MAGI2: variants seen among roughly 807,000 people sequenced by gnomAD.
MAGI2 encodes membrane associated guanylate kinase, WW and PDZ domain containing 2.
A neutral mutation model predicts 133.3 loss-of-function variants in MAGI2; 35 were observed. The observed-to-expected ratio is 0.26, with a 90% confidence interval of 0.20 to 0.35. The LOEUF is 0.35. Among genes scored for constraint, MAGI2 ranks in the 10% least tolerant of loss-of-function variants. The pLI is 1.00. For missense variants in MAGI2, 1,636 were observed against 1,863.4 expected (o/e 0.88, Z 2.25); for synonymous variants, 729 against 710.6 (o/e 1.03, Z -0.41).
intron 3 of MAGI2, among the ~76,000 whole-genome samples, chr7:78,598,008 A>G (rs1239698215): frequency 6.6e-6 from 1 of 152,174 alleles, no homozygotes; most frequent in African/African-American, 2.4e-5. Flanking sequence ...TATATTCTAA[A>G]AACTGCCTCT....
At chr7:78,664,419 T>C (rs148109342) in intron 2 of MAGI2, among the ~76,000 whole-genome samples, 165 of 152,198 alleles carry the variant, frequency 1.1e-3, no homozygotes, top group Non-Finnish European at 1.9e-3. Context: ...ATGGAAACAT[T>C]CTCCAAATTA....
intron 1 of MAGI2, among the ~76,000 whole-genome samples, chr7:79,098,711 A>G (rs905619843): frequency 1.3e-5 from 2 of 152,168 alleles, no homozygotes; most frequent in Non-Finnish European, 2.9e-5. Context: ...AAAAACATCT[A>G]AGCAATATAT....
chr7:78,989,625 TCC>T (rs1805567446), intron 2 of MAGI2, among the ~76,000 whole-genome samples: 1 of 152,064 alleles, frequency 6.6e-6, no homozygotes. Context: ...CCAGTGCTCC[TCC>T]CCCTGTATCC....
chr7:78,369,135 A>G (rs775817796), intron 7 of MAGI2, 21 bp downstream of exon 7: 2 of 1,542,740 alleles, frequency 1.3e-6, no homozygotes, highest in East Asian at 4.5e-5. Flanking sequence ...TAACAAGTTA[A>G]TATCACACTT....
intron 2 of MAGI2, among the ~76,000 whole-genome samples, chr7:78,880,314 G>C (rs760528488): frequency 3.3e-5 from 5 of 152,128 alleles, no homozygotes; most frequent in Non-Finnish European, 7.4e-5. Flanking sequence ...AATCTTAAAA[G>C]GCAGCTAGAG....
chr7:78,093,408 C>T (rs1480503410), intron 20 of MAGI2, among the ~76,000 whole-genome samples: 1 of 151,374 alleles, frequency 6.6e-6, no homozygotes, highest in Non-Finnish European at 1.5e-5. Flanking sequence ...GATCCGAGAT[C>T]GTGCCACTGC....
At chr7:78,614,535 T>A (rs1348378187) in intron 3 of MAGI2, 1 of 152,174 alleles carries the variant, frequency 6.6e-6, no homozygotes, top group Non-Finnish European at 1.5e-5. Context: ...AATATGCAGT[T>A]TTTAACTTTA....
chr7:79,420,043 A>T (rs1335488146), intron 1 of MAGI2, among the ~76,000 whole-genome samples: 1 of 152,060 alleles, frequency 6.6e-6, no homozygotes, highest in Admixed American at 6.6e-5. Context: ...AGAACTAAAT[A>T]TAAGACAGCT....
At chr7:78,937,775 G>C (rs1162305377) in intron 2 of MAGI2, among the ~76,000 whole-genome samples, 1 of 152,076 alleles carries the variant, frequency 6.6e-6, no homozygotes, top group East Asian at 1.9e-4. Flanking sequence ...GGTAATCACA[G>C]GCAAGATACT....
rs1832595566 is a variant in MAGI2 at position 79,243,641 on chromosome 7, T to C, written c.301+209379A>G. ...TCTTACTTTGGGGACATTCTGGTGA[T>C]AGAGGGTAGGGGATTGGTAAATGAT... On this transcript the variant is annotated intron_variant, in intron 1 of 21. Coordinates refer to ENST00000354212, the MANE Select transcript of MAGI2 (RefSeq NM_012301.4). Among the ~76,000 whole-genome samples, 3 of 152,190 alleles carry C rather than the reference T, an allele frequency of 2.0e-5. No homozygotes were observed. The South Asian group carries it at 6.2e-4, about 31-fold the overall frequency.
chr7:78,047,420 C>T (rs1249610544), intron 21 of MAGI2, among the ~76,000 whole-genome samples: 3 of 152,136 alleles, frequency 2.0e-5, no homozygotes, highest in African/African-American at 4.8e-5. Context: ...AGAAGGCCGC[C>T]GAGCCTTCTT....
intron 1 of MAGI2, among the ~76,000 whole-genome samples, chr7:79,171,768 A>AT (rs1169292477): frequency 4.8e-5 from 1 of 20,894 alleles, no homozygotes; most frequent in African/African-American, 9.7e-5. Flanking sequence ...ATATATATAT[A>AT]TATTTTTTTT....
intron 6 of MAGI2, among the ~76,000 whole-genome samples, chr7:78,472,919 C>T (rs1220145641): frequency 2.6e-5 from 4 of 151,938 alleles, no homozygotes; most frequent in African/African-American, 9.7e-5. Context: ...TGCCTAGTGG[C>T]GAGGTAGTAT....
chr7:79,216,921 T>C (rs1830073740), intron 1 of MAGI2, among the ~76,000 whole-genome samples: 1 of 152,048 alleles, frequency 6.6e-6, no homozygotes, highest in African/African-American at 2.4e-5. Flanking sequence ...TTACATTTAG[T>C]CATTAACTTC....
chr7:78,086,134 C>G (rs1475033216), intron 20 of MAGI2, among the ~76,000 whole-genome samples: 1 of 151,876 alleles, frequency 6.6e-6, no homozygotes. Flanking sequence ...CTTCCTTTTT[C>G]CTTGTCAACT....
chr7:78,329,497 AC>A (rs1233761167), intron 9 of MAGI2, among the ~76,000 whole-genome samples: 2 of 152,182 alleles, frequency 1.3e-5, no homozygotes, highest in Non-Finnish European at 2.9e-5. Context: ...ATACAATTGA[AC>A]TTTTCACCGA....
At chr7:78,766,637 A>T (rs550599092) in intron 2 of MAGI2, among the ~76,000 whole-genome samples, 1 of 152,230 alleles carries the variant, frequency 6.6e-6, no homozygotes, top group Non-Finnish European at 1.5e-5. Flanking sequence ...AAAGAGAAAA[A>T]CAACTATTCT....
chr7:79,449,877 C>CATATATATATATATAT (rs59881896), intron 1 of MAGI2, among the ~76,000 whole-genome samples: 53 of 120,616 alleles, frequency 4.4e-4, no homozygotes, highest in East Asian at 1.1e-3. Flanking sequence ...GAGATATATA[C>CATATATATATATATAT]ATATATATAT....
chr7:79,024,843 T>TA lies in MAGI2; in HGVS notation c.302-17638dup, dbSNP rs57650854. 1.7e-3 allele frequency among the ~76,000 whole-genome samples: 259 copies of TA among 150,864 alleles called. 9 individuals are homozygous for TA. In the South Asian group the frequency reaches 0.044, roughly 25 times the overall value. ...GTCAGAATGGCTGTTATTAAAAAGT[T>TA]AAAAAAAAAACACATGCTGGCGAGG... On this transcript the variant is annotated intron_variant, in intron 1 of 21. Transcript: ENST00000354212.
Sources: gnomAD v4.1 joint callset for allele counts (sites outside exome capture counted in the v4.1 genomes callset) on GRCh38, gnomAD v4.1.1 for gene constraint, MANE v1.5 for transcripts, NCBI Gene and HGNC (gene_info 2026-07-23, HGNC 2026-07-21) for gene names.